CDH4: variants seen among roughly 807,000 people sequenced by gnomAD.
CDH4 encodes the protein cadherin 4.
A neutral mutation model predicts 86.0 loss-of-function variants in CDH4; 33 were observed. The observed-to-expected ratio is 0.38, with a 90% CI of 0.29 to 0.51. CDH4 has a LOEUF of 0.51. CDH4 is among the 20% of genes least tolerant of loss of function. The pLI, the probability that CDH4 is intolerant of heterozygous loss-of-function variation, is 0.86. For missense variants in CDH4, 1,114 were observed against 1,307.4 expected (o/e 0.85, Z 2.28); for synonymous variants, 555 against 549.4 (o/e 1.01, Z -0.14).
At chr20:61,772,858 C>A in intron 3 of CDH4, 145 bp from the exon 4 acceptor site, 1 of 555,874 alleles carries the variant, frequency 1.8e-6, no homozygotes, top group Non-Finnish European at 2.9e-6. Flanking sequence ...CGTTATCCCG[C>A]CCTTCCCGCT....
intron 5 of CDH4, among the ~76,000 whole-genome samples, chr20:61,850,195 G>A (rs370965085): frequency 9.8e-5 from 15 of 152,340 alleles, no homozygotes; most frequent in Middle Eastern, 3.4e-3. Context: ...GTCATCTTCC[G>A]AAAGTTTTCT....
chr20:61,703,122 C>T lies in CDH4; in HGVS notation c.170-40441C>T, dbSNP rs1332044589. On this transcript the variant is annotated intron_variant, in intron 2 of 15. Transcript: ENST00000614565. This position sits in a 1 kb window ranked among gnomAD's most constrained non-coding sequence, Gnocchi z 4.3. Reference sequence around the variant, plus strand: ...TACACTCTGGTGGGGCAGGGGGCCACGGGATGTTAGAAATGCGGCAGAGAC... The same window carrying T: ...TACACTCTGGTGGGGCAGGGGGCCATGGGATGTTAGAAATGCGGCAGAGAC... 1.3e-5 allele frequency among the ~76,000 whole-genome samples: 2 copies of T among 152,148 alleles called. No homozygotes were observed. Among genetic ancestry groups the T allele is most frequent in the South Asian group, 2.1e-4 (1 of 4,818 alleles).
chr20:61,505,055 G>T (rs1447572645), intron 2 of CDH4, among the ~76,000 whole-genome samples: 1 of 152,216 alleles, frequency 6.6e-6, no homozygotes, highest in Admixed American at 6.5e-5. Context: ...TTAAGATGTA[G>T]GGCTGGAGGC....
chr20:61,621,393 G>C (rs2145775163), intron 2 of CDH4, among the ~76,000 whole-genome samples: 1 of 152,316 alleles, frequency 6.6e-6, no homozygotes, highest in Admixed American at 6.5e-5. Context: ...AAACATTTCA[G>C]TTAATTGCAA....
Position 61,661,831 on chromosome 20 carries a change from C to T in CDH4, c.170-81732C>T, listed in dbSNP as rs567030167. Among the ~76,000 whole-genome samples the T allele has an allele frequency of 5.3e-5, 8 of 152,050 alleles. No homozygotes were observed. The East Asian group carries it at 5.8e-4, about 11-fold the overall frequency. On this transcript the variant is annotated intron_variant, in intron 2 of 15. Transcript: ENST00000614565. Reference sequence around the variant, plus strand: ...TGACAGGCCAGGTCTCTGGCAGGTGCGGAGGGTGGGTGCGCCTTCTATGGA... The same window carrying T: ...TGACAGGCCAGGTCTCTGGCAGGTGTGGAGGGTGGGTGCGCCTTCTATGGA...
intron 7 of CDH4, among the ~76,000 whole-genome samples, chr20:61,880,815 C>T (rs75413630): frequency 0.014 from 2,104 of 152,350 alleles, 17 homozygotes; most frequent in Non-Finnish European, 0.023. Flanking sequence ...CTGGCGCCCA[C>T]CACTGCTGTC....
intron 4 of CDH4, among the ~76,000 whole-genome samples, chr20:61,839,011 A>C (rs1442769114): frequency 1.3e-5 from 2 of 152,226 alleles, no homozygotes; most frequent in East Asian, 1.9e-4. Context: ...GAACTGCTCC[A>C]GGCAGCTCAG....
chr20:61,849,578 G>A (rs1183190726), intron 5 of CDH4, among the ~76,000 whole-genome samples: 1 of 152,134 alleles, frequency 6.6e-6, no homozygotes, highest in South Asian at 2.1e-4. Context: ...CCGGCCCTAG[G>A]GAGGACCTGC....
chr20:61,413,190 G>A (rs1295963482), intron 2 of CDH4, among the ~76,000 whole-genome samples: 16 of 84,986 alleles, frequency 1.9e-4, no homozygotes, highest in African/African-American at 5.8e-4. Flanking sequence ...GAGCTTCCCC[G>A]CCCCCCACCC....
At chr20:61,765,791 C>T (rs2088691433) in intron 3 of CDH4, among the ~76,000 whole-genome samples, 1 of 152,110 alleles carries the variant, frequency 6.6e-6, no homozygotes. Flanking sequence ...CCTGTGGGGG[C>T]AAGGGGACTG....
In CDH4 at chr20:61,743,736, G is replaced by A. The variant is rs772958577; in HGVS notation, c.343G>A (p.Ala115Thr). ...CAGCCAGACAGCAGAGAAATGGGACGCCGTGGTGCGGTTGCTGGTGGCCCA... is the reference window on the plus strand; with the variant it reads ...CAGCCAGACAGCAGAGAAATGGGACACCGTGGTGCGGTTGCTGGTGGCCCA... ...WDSQTAEKWD[A>T]VVRLLVAQTS... The change falls in exon 3 of 16, where the codon GCC becomes ACC. Residue 115 changes from alanine to threonine, a missense_variant. This residue lies in a region of CDH4 where 221 missense variants were observed against 209.5 expected (regional missense o/e 1.05). Coordinates refer to ENST00000614565, the MANE Select transcript of CDH4 (RefSeq NM_001794.5). The A allele has an allele frequency of 6.0e-5, 97 of 1,610,716 alleles. No individual in the cohort carries two copies. Among genetic ancestry groups the A allele is most frequent in the Admixed American group, 4.9e-4 (29 of 59,670 alleles).
intron 7 of CDH4, among the ~76,000 whole-genome samples, chr20:61,888,974 T>G (rs1363626405): frequency 6.6e-6 from 1 of 152,172 alleles, no homozygotes; most frequent in Non-Finnish European, 1.5e-5. Flanking sequence ...AACAGGAACA[T>G]GCTTTTTTAT....
intron 12 of CDH4, among the ~76,000 whole-genome samples, chr20:61,929,375 T>C (rs2122995667): frequency 6.6e-6 from 1 of 152,324 alleles, no homozygotes; most frequent in South Asian, 2.1e-4. Flanking sequence ...TGACTTCAAG[T>C]GATCTGCCCA....
chr20:61,614,676 A>T (rs1008804986), intron 2 of CDH4, among the ~76,000 whole-genome samples: 7 of 152,120 alleles, frequency 4.6e-5, no homozygotes, highest in African/African-American at 1.7e-4. Context: ...TGTCAGAGAA[A>T]ACACCCCAGA....
chr20:61,588,313 C>T (rs6121710), intron 2 of CDH4, among the ~76,000 whole-genome samples: 3 of 152,270 alleles, frequency 2.0e-5, no homozygotes, highest in Non-Finnish European at 2.9e-5. Flanking sequence ...GCGTAGGTCT[C>T]GCAGCCTCCA....
intron 2 of CDH4, among the ~76,000 whole-genome samples, chr20:61,430,741 C>T (rs986497976): frequency 2.0e-5 from 3 of 152,220 alleles, no homozygotes; most frequent in African/African-American, 4.8e-5. Context: ...ACACGCATTA[C>T]ACCTTCACAT....
chr20:61,462,838 A>T (rs530085860), intron 2 of CDH4, among the ~76,000 whole-genome samples: 8 of 152,324 alleles, frequency 5.3e-5, no homozygotes, highest in Admixed American at 3.3e-4. Context: ...AGGGAGGTGG[A>T]CAGTCAGCAG....
chr20:61,879,170 G>A lies in CDH4; in HGVS notation c.1050+5270G>A, dbSNP rs941504673. Among the ~76,000 whole-genome samples, 6 of 152,182 alleles carry A rather than the reference G, an allele frequency of 3.9e-5. No individual in the cohort carries two copies. Among genetic ancestry groups the A allele is most frequent in the East Asian group, 1.9e-4 (1 of 5,172 alleles). On this transcript the variant is annotated intron_variant, in intron 7 of 15. Transcript: ENST00000614565. The surrounding 1 kb of genome is among the most constrained non-coding windows in gnomAD (Gnocchi z 4.1). ...AAGCGAGCACCAGTTCAGCTCCCCC[G>A]GGACCCGGCCTTCACCCAGCAGAGC...
Position 61,850,562 on chromosome 20 carries a change from G to A in CDH4, c.733-2192G>A, listed in dbSNP as rs574908811. The stretch of plus-strand genomic sequence containing the variant: ...GTCAACAGACACATTTCCCCCGAGC[G>A]CCTTCCCGCCCCAATGCCAGACCAC... On this transcript the variant is annotated intron_variant, in intron 5 of 15. Transcript: ENST00000614565. Among the ~76,000 whole-genome samples, 7 of 152,248 alleles carry A rather than the reference G, an allele frequency of 4.6e-5. No individual in the cohort carries two copies. The East Asian group carries it at 1.2e-3, about 25-fold the overall frequency.
Sources: gnomAD v4.1 joint callset for allele counts (sites outside exome capture counted in the v4.1 genomes callset) on GRCh38, gnomAD v4.1.1 for gene constraint, gnomAD v4.1.1 regional missense constraint, Gnocchi (gnomAD v3.1) non-coding constraint, MANE v1.5 for transcripts, NCBI Gene and HGNC (gene_info 2026-07-23, HGNC 2026-07-21) for gene names.